MACROD1: variants seen among roughly 807,000 people sequenced by gnomAD.
The protein encoded by MACROD1 is ADP-ribose glycohydrolase MACROD1.
In MACROD1, 31 loss-of-function variants were observed where a neutral mutation model predicts 41.4. The ratio of observed to expected loss-of-function variants is 0.75; its 90% CI spans 0.56 to 1.01. The LOEUF is 1.01. MACROD1 is among the 50% of genes least tolerant of loss of function. MACROD1 has a pLI of 0.00. For synonymous variants in MACROD1, 252 were observed against 203.4 expected (o/e 1.24, Z -2.03); for missense variants, 473 against 460.0 (o/e 1.03, Z -0.26).
intron 3 of MACROD1, among the ~76,000 whole-genome samples, chr11:64,052,363 A>G (rs973493883): frequency 3.3e-5 from 5 of 152,124 alleles, no homozygotes; most frequent in Admixed American, 2.6e-4. Flanking sequence ...TTTTAAAGAG[A>G]TGGGAGTCTC....
chr11:64,138,759 C>T (rs1167585294), intron 3 of MACROD1, among the ~76,000 whole-genome samples: 1 of 151,738 alleles, frequency 6.6e-6, no homozygotes, highest in Non-Finnish European at 1.5e-5. Flanking sequence ...GAGGTGGGTG[C>T]CACTGATGGG....
Position 64,096,343 on chromosome 11 carries a change from T to C in MACROD1, c.517+54896A>G, listed in dbSNP as rs1944575869. On this transcript the variant is annotated intron_variant, in intron 3 of 10. Coordinates refer to ENST00000255681, the MANE Select transcript of MACROD1 (RefSeq NM_014067.4). This position sits in a 1 kb window ranked among gnomAD's most constrained non-coding sequence, Gnocchi z 4.6. ...CTTCCTCTAGGCTGGACACGGTCCCTAATGGGCACGGGCGACGCATTACAG... is the reference window on the plus strand; with the variant it reads ...CTTCCTCTAGGCTGGACACGGTCCCCAATGGGCACGGGCGACGCATTACAG... Among the ~76,000 whole-genome samples, 1 of 151,964 alleles carries C rather than the reference T, an allele frequency of 6.6e-6. No homozygotes were observed. The highest frequency in any genetic ancestry group is 1.5e-5 in the Non-Finnish European group (1 of 68,010).
At chr11:64,149,304 C>T (rs563304618) in intron 3 of MACROD1, among the ~76,000 whole-genome samples, 57 of 152,292 alleles carry the variant, frequency 3.7e-4, no homozygotes, top group African/African-American at 1.3e-3. Flanking sequence ...CGGGTGGTTT[C>T]TTCACCACCC....
At chr11:64,118,082 C>A in intron 3 of MACROD1, 1 of 1,612,182 alleles carries the variant, frequency 6.2e-7, no homozygotes, top group Non-Finnish European at 8.5e-7. Context: ...AGTCAGGGAC[C>A]AAGAAGGATA....
rs568445982 is a variant in MACROD1, at chr11:64,069,730, G to A, written c.518-54449C>T. ...TGGGGCTGGTGACACCCCCGGGCCC[G>A]GCCCCGGCAGCTGTGTCACCTAAAT... On this transcript the variant is annotated intron_variant, in intron 3 of 10. Coordinates refer to ENST00000255681, the MANE Select transcript of MACROD1 (RefSeq NM_014067.4). 4.3e-4 allele frequency among the ~76,000 whole-genome samples: 66 copies of A among 152,306 alleles called. 2 individuals are homozygous for A. The highest frequency in any genetic ancestry group is 3.7e-3 in the Admixed American group (57 of 15,304).
intron 3 of MACROD1, among the ~76,000 whole-genome samples, chr11:64,035,770 G>A (rs959154549): frequency 2.5e-4 from 4 of 16,104 alleles, no homozygotes; most frequent in African/African-American, 6.7e-4. Context: ...CTGCACGCAC[G>A]GCCCCCGCCG....
intron 3 of MACROD1, among the ~76,000 whole-genome samples, chr11:64,145,161 C>T (rs1212521325): frequency 6.6e-6 from 1 of 152,196 alleles, no homozygotes; most frequent in East Asian, 1.9e-4. Flanking sequence ...GGAGATAGAG[C>T]GCCACTTCAT....
At chr11:64,136,292 C>A (rs149821611) in intron 3 of MACROD1, among the ~76,000 whole-genome samples, 4 of 152,242 alleles carry the variant, frequency 2.6e-5, no homozygotes, top group Non-Finnish European at 5.9e-5. Context: ...GTTAAGGGCA[C>A]TTCCCAGGAT....
chr11:64,031,834 C>T (rs1943299791), intron 3 of MACROD1, among the ~76,000 whole-genome samples: 1 of 152,194 alleles, frequency 6.6e-6, no homozygotes, highest in Non-Finnish European at 1.5e-5. Context: ...GCATGCACAG[C>T]CCGCCTATCC....
intron 3 of MACROD1, among the ~76,000 whole-genome samples, chr11:64,086,745 G>C (rs1944402821): frequency 6.6e-6 from 1 of 152,190 alleles, no homozygotes; most frequent in South Asian, 2.1e-4. Flanking sequence ...ACAGTACAGA[G>C]ATGTAGACAC....
chr11:64,111,014 C>T (rs970853023), intron 3 of MACROD1, among the ~76,000 whole-genome samples: 3 of 152,190 alleles, frequency 2.0e-5, no homozygotes, highest in South Asian at 2.1e-4. Flanking sequence ...GACAGTGGAG[C>T]GGAAAGGCCT....
chr11:64,046,860 C>A (rs772447141), intron 3 of MACROD1, among the ~76,000 whole-genome samples: 2 of 152,162 alleles, frequency 1.3e-5, no homozygotes, highest in Non-Finnish European at 2.9e-5. Context: ...CCCATCCCTG[C>A]CTCTCCCCAT....
intron 3 of MACROD1, among the ~76,000 whole-genome samples, chr11:64,016,918 C>T (rs1943089618): frequency 6.6e-6 from 1 of 152,190 alleles, no homozygotes; most frequent in Non-Finnish European, 1.5e-5. Flanking sequence ...GGGGCGGGCC[C>T]CCCAGTGACT....
Position 64,020,916 on chromosome 11 carries a change from C to T in MACROD1, c.518-5635G>A, listed in dbSNP as rs565373457. Reference sequence around the variant, plus strand: ...TTTATTTTTAGAGACGGGGTTTCACCATGTTGGCCAGGCTGGTCTCGAACT... The same window carrying T: ...TTTATTTTTAGAGACGGGGTTTCACTATGTTGGCCAGGCTGGTCTCGAACT... On this transcript the variant is annotated intron_variant, in intron 3 of 10. Transcript: ENST00000255681. 2.9e-3 allele frequency among the ~76,000 whole-genome samples: 444 copies of T among 152,142 alleles called. 3 individuals are homozygous for T. The highest frequency in any genetic ancestry group is 3.0e-3 in the Non-Finnish European group (202 of 68,002).
chr11:64,029,543 G>A lies in MACROD1; in HGVS notation c.518-14262C>T, dbSNP rs377578174. On this transcript the variant is annotated intron_variant, in intron 3 of 10. Transcript: ENST00000255681. ...ATGGCATCCCCTTCCTCACTGTCCC[G>A]GGGGTCCAGCCCCCATTTGCTTCCA... 8.5e-5 allele frequency among the ~76,000 whole-genome samples: 13 copies of A among 152,140 alleles called. No homozygotes were observed. The East Asian group carries it at 1.7e-3, about 20-fold the overall frequency.
intron 3 of MACROD1, chr11:64,118,458 C>A: frequency 1.5e-6 from 1 of 673,882 alleles, no homozygotes; most frequent in Non-Finnish European, 2.3e-6. Flanking sequence ...TTGTAGAACA[C>A]AACAGTGACA....
intron 3 of MACROD1, among the ~76,000 whole-genome samples, chr11:64,044,758 T>A (rs1943552870): frequency 6.6e-6 from 1 of 152,128 alleles, no homozygotes; most frequent in African/African-American, 2.4e-5. Context: ...CTTTGGTATC[T>A]GTCATGCTCC....
At chr11:64,013,738 C>T (rs933373224) in intron 4 of MACROD1, among the ~76,000 whole-genome samples, 5 of 152,200 alleles carry the variant, frequency 3.3e-5, no homozygotes, top group African/African-American at 1.2e-4. Flanking sequence ...GATCCTGGGC[C>T]ATCTCCCATC....
At chr11:64,081,007 C>T (rs905130418) in intron 3 of MACROD1, among the ~76,000 whole-genome samples, 2 of 152,140 alleles carry the variant, frequency 1.3e-5, no homozygotes, top group Non-Finnish European at 2.9e-5. Context: ...TGCCATCTTC[C>T]CCCAAGGTTA....
Sources: gnomAD v4.1 joint callset for allele counts (sites outside exome capture counted in the v4.1 genomes callset) on GRCh38, gnomAD v4.1.1 for gene constraint, Gnocchi (gnomAD v3.1) non-coding constraint, MANE v1.5 for transcripts, NCBI Gene and HGNC (gene_info 2026-07-23, HGNC 2026-07-21) for gene names.